The following KLHL2 variants were observed in gnomAD, a reference collection of about 807,000 sequenced individuals.
The protein encoded by KLHL2 is kelch like family member 2.
KLHL2 carries 15 observed loss-of-function variants against 75.8 expected under a neutral mutation model. That is an observed-to-expected ratio of 0.20 (90% CI 0.13 to 0.30). KLHL2 has a LOEUF of 0.30. KLHL2 is among the 10% of genes least tolerant of loss of function. The pLI is 1.00. For synonymous variants in KLHL2, 214 were observed against 251.9 expected, an observed-to-expected ratio of 0.85 and a Z score of 1.42; for missense variants, 381 against 741.0, an observed-to-expected ratio of 0.51 and a Z score of 5.64.
chr4:165,209,763 T>G (rs759565095), intron 1 of KLHL2: 47 of 175,800 alleles, frequency 2.7e-4, no homozygotes, highest in Admixed American at 4.3e-4. Flanking sequence ...TTGGTGAGAC[T>G]TTTTCATTGT....
chr4:165,263,374 C>T lies in KLHL2; in HGVS notation c.544+15C>T, dbSNP rs1285209467. 1 of 1,607,426 alleles carries T rather than the reference C, an allele frequency of 6.2e-7. No individual in the cohort carries two copies. The highest frequency in any genetic ancestry group is 1.7e-5 in the Admixed American group (1 of 59,514). On this transcript the variant is annotated intron_variant, in intron 5 of 14. Transcript: ENST00000226725. ...CACCTATGCAGGCAAGTGGAGTAGA[C>T]CTCAGCTGAATTTGGGAGGAAACTG...
At chr4:165,310,273 T>G (rs770137095) in intron 9 of KLHL2, among the ~76,000 whole-genome samples, 3 of 152,098 alleles carry the variant, frequency 2.0e-5, no homozygotes, top group Non-Finnish European at 2.9e-5. Context: ...TGCAGTGAGC[T>G]GAGATGGCGC....
intron 7 of KLHL2, 127 bp from the exon 8 acceptor site, chr4:165,299,380 G>A (rs951455515): frequency 2.4e-5 from 19 of 779,060 alleles, no homozygotes; most frequent in African/African-American, 1.4e-4. Flanking sequence ...AACTTTCCTC[G>A]TTTATTTTTA....
At chr4:165,238,403 AG>A (rs1006125002) in intron 3 of KLHL2, among the ~76,000 whole-genome samples, 7 of 152,166 alleles carry the variant, frequency 4.6e-5, no homozygotes, top group African/African-American at 1.7e-4. Context: ...CATTGCTATT[AG>A]CCAAAGGCAG....
At chr4:165,302,210 G>A (rs932458237) in intron 8 of KLHL2, among the ~76,000 whole-genome samples, 1 of 152,138 alleles carries the variant, frequency 6.6e-6, no homozygotes, top group Non-Finnish European at 1.5e-5. Context: ...CCTTCTCAGT[G>A]TGTTTGTTTA....
intron 4 of KLHL2, among the ~76,000 whole-genome samples, chr4:165,260,231 A>G (rs1261803398): frequency 3.9e-5 from 6 of 152,202 alleles, no homozygotes; most frequent in Non-Finnish European, 1.5e-5. Flanking sequence ...AAACCAAGGC[A>G]ATTTCAAAAG....
At chr4:165,256,018 C>G (rs1219115192) in intron 4 of KLHL2, among the ~76,000 whole-genome samples, 1 of 151,838 alleles carries the variant, frequency 6.6e-6, no homozygotes, top group African/African-American at 2.4e-5. Context: ...ATCCTAATAG[C>G]CAAGCAGAAG....
At chr4:165,252,933 C>G (rs894898623) in intron 4 of KLHL2, among the ~76,000 whole-genome samples, 1 of 152,206 alleles carries the variant, frequency 6.6e-6, no homozygotes, top group Middle Eastern at 3.2e-3. Flanking sequence ...TCCATGACTT[C>G]CCTTGGGTAC....
chr4:165,264,975 G>A (rs547197033), intron 5 of KLHL2, among the ~76,000 whole-genome samples: 17 of 151,354 alleles, frequency 1.1e-4, no homozygotes, highest in South Asian at 4.2e-4. Context: ...GAGGTTGTAC[G>A]AATTTACATT....
chr4:165,284,459 A>T (rs1394252569), intron 5 of KLHL2, among the ~76,000 whole-genome samples: 1 of 152,208 alleles, frequency 6.6e-6, no homozygotes, highest in East Asian at 1.9e-4. Flanking sequence ...TTGCTAAAAC[A>T]TAACAAGAGT....
At chr4:165,320,602 A>G (rs1216308120) in intron 14 of KLHL2, among the ~76,000 whole-genome samples, 1 of 152,244 alleles carries the variant, frequency 6.6e-6, no homozygotes, top group Non-Finnish European at 1.5e-5. Flanking sequence ...TATGGAAAAA[A>G]TTGCCAGTGC....
At chr4:165,244,330 C>A (rs1443365393) in intron 4 of KLHL2, among the ~76,000 whole-genome samples, 2 of 152,118 alleles carry the variant, frequency 1.3e-5, no homozygotes, top group Non-Finnish European at 2.9e-5. Context: ...GGGAGCAAAT[C>A]CAACATGTAT....
intron 5 of KLHL2, among the ~76,000 whole-genome samples, chr4:165,265,805 G>C (rs1337117155): frequency 1.3e-5 from 2 of 152,198 alleles, no homozygotes. Flanking sequence ...CTTTATAGTA[G>C]TATGATATAT....
chr4:165,293,113 A>G (rs559699866), intron 5 of KLHL2, among the ~76,000 whole-genome samples: 50 of 152,342 alleles, frequency 3.3e-4, no homozygotes, highest in African/African-American at 1.2e-3. Flanking sequence ...GTATGTCTGA[A>G]TCCGCAGCCC....
chr4:165,306,278 T>C (rs1390131296), intron 9 of KLHL2, among the ~76,000 whole-genome samples: 1 of 152,240 alleles, frequency 6.6e-6, no homozygotes, highest in Non-Finnish European at 1.5e-5. Context: ...GTTTCTATGA[T>C]GGTAGTACTT....
chr4:165,307,289 T>C (rs951293960), intron 9 of KLHL2, among the ~76,000 whole-genome samples: 7 of 152,056 alleles, frequency 4.6e-5, no homozygotes, highest in Admixed American at 2.0e-4. Flanking sequence ...GCCTAGGCAA[T>C]AGAGTGAGAC....
chr4:165,257,656 A>G (rs1277994911), intron 4 of KLHL2, among the ~76,000 whole-genome samples: 1 of 152,234 alleles, frequency 6.6e-6, no homozygotes, highest in African/African-American at 2.4e-5. Flanking sequence ...ATACATTCCT[A>G]GAAACAGAGC....
At chr4:165,292,115 G>A (rs1272356374) in intron 5 of KLHL2, among the ~76,000 whole-genome samples, 3 of 152,022 alleles carry the variant, frequency 2.0e-5, no homozygotes, top group Admixed American at 6.6e-5. Context: ...TTGAACCACC[G>A]GTTGGTTGAA....
At chr4:165,243,753 T>C (rs1460647675) in intron 4 of KLHL2, among the ~76,000 whole-genome samples, 2 of 152,238 alleles carry the variant, frequency 1.3e-5, no homozygotes, top group South Asian at 2.1e-4. Flanking sequence ...GCTGTATAGA[T>C]AGTGTTTTAC....
Sources: gnomAD v4.1 joint callset for allele counts (sites outside exome capture counted in the v4.1 genomes callset) on GRCh38, gnomAD v4.1.1 for gene constraint, MANE v1.5 for transcripts, NCBI Gene and HGNC (gene_info 2026-07-23, HGNC 2026-07-21) for gene names.